The following NACA variants were observed in gnomAD, a reference collection of about 807,000 sequenced individuals.
NACA encodes nascent polypeptide-associated complex subunit alpha.
In NACA, 42 loss-of-function variants were observed where a neutral mutation model predicts 86.4. The ratio of observed to expected loss-of-function variants is 0.49; its 90% CI spans 0.38 to 0.63. The LOEUF (loss-of-function observed/expected upper bound fraction) is 0.63, where lower values mean the gene tolerates loss of function less well. Ranked by LOEUF, NACA falls within the 20% of genes least tolerant of loss-of-function variation. The pLI, the probability that NACA is intolerant of heterozygous loss-of-function variation, is 0.00. For synonymous variants in NACA, 898 were observed against 973.7 expected (o/e 0.92, Z 1.45); for missense variants, 2,157 against 2,483.6 (o/e 0.87, Z 2.80).
Position 56,717,110 on chromosome 12 carries a change from AAGG to A in NACA, c.4417_4419del (p.Pro1473del), listed in dbSNP as rs992944048. ...TTGGGGGCTGGGGGCTCCTTGGGGG[AAGG>A]AGGAGTCACTGCTGGGAGGGTGGGA... On this transcript the variant is annotated inframe_deletion, in exon 3 of 9. Coordinates refer to ENST00000454682, the MANE Select transcript of NACA (RefSeq NM_001365896.1). 2 of 1,219,862 alleles carry A rather than the reference AAGG, an allele frequency of 1.6e-6. No homozygotes were observed. The highest frequency in any genetic ancestry group is 1.8e-5 in the African/African-American group (1 of 55,922). 75.6% of individuals were successfully genotyped at this position (1,219,862 alleles called of 1,614,324 possible).
chr12:56,721,132 G>C lies in NACA; in HGVS notation c.398C>G (p.Ser133Cys). 6.2e-6 allele frequency: 10 copies of C among 1,613,882 alleles called. No individual in the cohort carries two copies. The highest frequency in any genetic ancestry group is 8.5e-6 in the Non-Finnish European group (10 of 1,179,826). The change falls in exon 3 of 9, where the codon TCT becomes TGT. Residue 133 changes from serine to cysteine, a missense_variant. By Grantham distance (112) the Ser-to-Cys change is moderately radical. Coordinates refer to ENST00000454682, the MANE Select transcript of NACA (RefSeq NM_001365896.1). Reference sequence around the variant, plus strand: ...GGCAACCAGAGCTAAGGGAGCTGAAGAGGAAGGGGTCCCTTTCAGAGTTGG... The same window carrying C: ...GGCAACCAGAGCTAAGGGAGCTGAACAGGAAGGGGTCCCTTTCAGAGTTGG... The part of the protein sequence containing the change: ...IAPTLKGTPS[S>C]SAPLALVALA...
At position 56,716,027 on chromosome 12, in the gene NACA, C is replaced by T. The variant is rs1274283862; in HGVS notation, c.5503G>A (p.Ala1835Thr). The change falls in exon 3 of 9, where the codon GCT (alanine) becomes ACT (threonine). Residue 1835 changes from alanine (A) to threonine (T), a missense_variant. By Grantham distance (58) the Ala-to-Thr change is moderately conservative. Transcript: ENST00000454682. The stretch of plus-strand genomic sequence containing the variant: ...AGAGGCAGCAGCTCATCCTCATCAG[C>T]AGGGGCAAGGGGTTTAGAGGGTGAT... The part of the protein sequence containing the change: ...LESPSKPLAP[A>T]DEDELLPLIP... 2 of 1,604,566 alleles carry T rather than the reference C, an allele frequency of 1.2e-6. No homozygotes were observed. The highest frequency in any genetic ancestry group is 1.3e-5 in the African/African-American group (1 of 74,732).
In NACA at chr12:56,719,751, T is replaced by C. The variant is rs749462040; in HGVS notation, c.1779A>G (p.Lys593=). Reference sequence around the variant, plus strand: ...CTATAGGGAGAGGCTCCCCAAGGCTTTTCTTTGCTAGGGTGGCTTCAGGAG... The same window carrying C: ...CTATAGGGAGAGGCTCCCCAAGGCTCTTCTTTGCTAGGGTGGCTTCAGGAG... The part of the protein sequence containing the change: ...PLSPEATLAK[K]SLGEPLPIGK... The change falls in exon 3 of 9, where the codon AAA becomes AAG. Residue 593 remains lysine, a synonymous_variant. Transcript: ENST00000454682. 5 of 1,613,878 alleles carry C rather than the reference T, an allele frequency of 3.1e-6. No homozygotes were observed. Among genetic ancestry groups the C allele is most frequent in the South Asian group, 1.1e-5 (1 of 91,082 alleles).
intron 5 of NACA, 157 bp from the exon 6 acceptor site, chr12:56,713,840 T>C (rs1237953580): frequency 2.6e-6 from 2 of 769,134 alleles, no homozygotes; most frequent in African/African-American, 3.5e-5. Context: ...TAACTTCTGT[T>C]ACTTTATTTT....
intron 2 of NACA, 95 bp downstream of exon 2, chr12:56,724,357 T>A: frequency 8.0e-7 from 1 of 1,249,248 alleles, no homozygotes; most frequent in Non-Finnish European, 1.1e-6. Flanking sequence ...TGCAACCCCA[T>A]CCTCCTAAAA....
chr12:56,724,772 G>T (rs143592453), intron 1 of NACA: 168 of 498,228 alleles, frequency 3.4e-4, no homozygotes, highest in African/African-American at 2.1e-3. Context: ...GCTGGCTCTC[G>T]ATCATGGGAG....
At position 56,724,579 on chromosome 12, in the gene NACA, C is replaced by T. The variant is rs11171953; in HGVS notation, c.-2-56G>A. On this transcript the variant is annotated intron_variant, in intron 1 of 8. Coordinates refer to ENST00000454682, the MANE Select transcript of NACA (RefSeq NM_001365896.1). ...ATTGATTGGGATACATTCACTTGCCCAACCCGGAGATAAGTATTCTTAAAA... is the reference window on the plus strand; with the variant it reads ...ATTGATTGGGATACATTCACTTGCCTAACCCGGAGATAAGTATTCTTAAAA... 9,815 of 1,542,552 alleles carry T rather than the reference C, an allele frequency of 6.4e-3. 528 individuals are homozygous for T. In the African/African-American group the frequency reaches 0.12, roughly 18 times the overall value.
Position 56,718,541 on chromosome 12 carries a change from TGGGGGAGGGAGGAG to T in NACA, c.2975_2988del (p.Thr992LysfsTer348). ...GGGGATGGAGTAGCTGGACCTCCTTTGGGGGAGGGAGGAGTTGCAGCTGGGGGTGTGGGGGCCCC... is the reference window on the plus strand; with the variant it reads ...GGGGATGGAGTAGCTGGACCTCCTTTTTGCAGCTGGGGGTGTGGGGGCCCC... On this transcript the variant is annotated frameshift_variant, in exon 3 of 9. Transcript: ENST00000454682. LOFTEE classifies it high-confidence loss of function. The T allele has an allele frequency of 8.3e-7, 1 of 1,206,726 alleles. No homozygotes were observed. 74.8% of individuals were successfully genotyped at this position (1,206,726 alleles called of 1,614,324 possible).
chr12:56,720,253 GGATAAT>G lies in NACA; in HGVS notation c.1271_1276del (p.His424_Tyr425del), dbSNP rs1565897943. On this transcript the variant is annotated inframe_deletion, in exon 3 of 9. Coordinates refer to ENST00000454682, the MANE Select transcript of NACA (RefSeq NM_001365896.1). ...AGAAACGGGCATTTGGGCCACTAAA[GGATAAT>G]GATAAGTGGCATTAGGAGAGCTTTT... is the stretch of plus-strand genomic sequence containing the variant. 1 of 1,613,996 alleles carries G rather than the reference GGATAAT, an allele frequency of 6.2e-7. No homozygotes were observed. Among genetic ancestry groups the G allele is most frequent in the Admixed American group, 1.7e-5 (1 of 60,026 alleles).
chr12:56,722,784 A>C (rs1474957695), intron 2 of NACA, among the ~76,000 whole-genome samples: 1 of 152,144 alleles, frequency 6.6e-6, no homozygotes, highest in African/African-American at 2.4e-5. Flanking sequence ...CATTATGTCA[A>C]AATACACCAA....
chr12:56,715,438 A>G (rs558606733), intron 3 of NACA, among the ~76,000 whole-genome samples: 1 of 152,300 alleles, frequency 6.6e-6, no homozygotes, highest in South Asian at 2.1e-4. Context: ...GGTCATTACT[A>G]AGTCTAATAA....
intron 2 of NACA, among the ~76,000 whole-genome samples, chr12:56,722,248 A>C (rs1161577483): frequency 6.6e-6 from 1 of 152,250 alleles, no homozygotes; most frequent in Non-Finnish European, 1.5e-5. Context: ...AAACCTTCCT[A>C]GGTGATGTTA....
In NACA at chr12:56,718,280, C is replaced by G; in HGVS notation, c.3250G>C (p.Ala1084Pro). The G allele has an allele frequency of 9.0e-7, 1 of 1,112,388 alleles. No homozygotes were observed. The highest frequency in any genetic ancestry group is 1.9e-5 in the African/African-American group (1 of 53,652). 68.9% of individuals were successfully genotyped at this position (1,112,388 alleles called of 1,614,324 possible). Residue 1084 changes from alanine (A) to proline (P), a missense_variant, in exon 3 of 9, where the codon GCT (alanine) becomes CCT (proline). Physicochemically the swap from Ala to Pro is conservative, Grantham distance 27 (BLOSUM62 -1). Transcript: ENST00000454682. ...CCTTTTGGGGAGGGAGGAGTCGCAG[C>G]TGGGGGAGTGGGGGCCCCCTTGAGG... ...PSLKGAPTPP[A>P]ATPPSPKGGP...
At chr12:56,724,770 T>C in intron 1 of NACA, 1 of 506,286 alleles carries the variant, frequency 2.0e-6, no homozygotes, top group Admixed American at 3.6e-5. Context: ...GGGCTGGCTC[T>C]CGATCATGGG....
intron 2 of NACA, among the ~76,000 whole-genome samples, chr12:56,723,042 A>G (rs546695013): frequency 7.5e-4 from 115 of 152,354 alleles, no homozygotes; most frequent in African/African-American, 2.7e-3. Context: ...TAACGATTAC[A>G]GGAAAACGCT....
chr12:56,720,043 TG>T lies in NACA; in HGVS notation c.1486del (p.Gln496LysfsTer2). 6.2e-7 allele frequency: 1 copy of T among 1,613,666 alleles called. No homozygotes were observed. The highest frequency in any genetic ancestry group is 8.5e-7 in the Non-Finnish European group (1 of 1,179,806). The part of the protein sequence containing the change: ...APVAPKEPST[Q>X]VATTLRIPVS... Reference sequence around the variant, plus strand: ...TGGTATCCTCAGAGTGGTTGCTACTTGAGTAGAAGGCTCTTTGGGAGCCACA... The same window carrying T: ...TGGTATCCTCAGAGTGGTTGCTACTTAGTAGAAGGCTCTTTGGGAGCCACA... On this transcript the variant is annotated frameshift_variant, in exon 3 of 9. Coordinates refer to ENST00000454682, the MANE Select transcript of NACA (RefSeq NM_001365896.1). LOFTEE classifies it high-confidence loss of function.
In NACA at chr12:56,716,516, G is replaced by A; in HGVS notation, c.5014C>T (p.Leu1672Phe). The A allele has an allele frequency of 4.0e-6, 6 of 1,495,446 alleles. No individual in the cohort carries two copies. Among genetic ancestry groups the A allele is most frequent in the Non-Finnish European group, 4.5e-6 (5 of 1,104,282 alleles). 92.6% of individuals were successfully genotyped at this position (1,495,446 alleles called of 1,614,324 possible). A position where few individuals can be genotyped will look rare whatever the true frequency, so the allele number is the denominator to read the frequency against. ...GCTGTGGGGCCTTTCTTTGCTGGAA[G>A]CCCTTTAGATGCTTGAGGAACAGTG... ...GATVPQASKG[L>F]PAKKGPTALK... Residue 1672 changes from leucine (L) to phenylalanine (F), a missense_variant, in exon 3 of 9, where the codon CTT becomes TTT. By Grantham distance (22) the Leu-to-Phe change is conservative (BLOSUM62 0). Around this residue, in one of 8 missense-constraint regions of NACA, gnomAD observed 797 missense variants for 777.6 expected, o/e 1.02. Coordinates refer to ENST00000454682, the MANE Select transcript of NACA (RefSeq NM_001365896.1).
chr12:56,716,408 T>G lies in NACA; in HGVS notation c.5122A>C (p.Lys1708Gln), dbSNP rs985847089. The G allele has an allele frequency of 1.9e-6, 3 of 1,602,548 alleles. No homozygotes were observed. Among genetic ancestry groups the G allele is most frequent in the African/African-American group, 1.3e-5 (1 of 74,754 alleles). Residue 1708 changes from lysine to glutamine, a missense_variant, in exon 3 of 9, where the codon AAG (lysine) becomes CAG (glutamine). Physicochemically the swap from Lys to Gln is moderately conservative, Grantham distance 53. This residue lies in a region of NACA where 797 missense variants were observed against 777.6 expected (regional missense o/e 1.02). Coordinates refer to ENST00000454682, the MANE Select transcript of NACA (RefSeq NM_001365896.1). ...ATAGGAGGTGAAGTAGCAGAACTCT[T>G]TTTGGTCTGTGGACCTTTCCGAGTG... ...APTRKGPQTKKSSATSPPICP... is the reference protein window; with the variant it reads ...APTRKGPQTKQSSATSPPICP...
rs2137824552 is a variant in NACA at position 56,719,866 on chromosome 12, T to G, written c.1664A>C (p.Lys555Thr). 4 of 1,613,884 alleles carry G rather than the reference T, an allele frequency of 2.5e-6. No individual in the cohort carries two copies. Among genetic ancestry groups the G allele is most frequent in the Non-Finnish European group, 3.4e-6 (4 of 1,179,844 alleles). Residue 555 changes from lysine to threonine, a missense_variant, in exon 3 of 9, where the codon AAA becomes ACA. By Grantham distance (78) the Lys-to-Thr change is moderately conservative (BLOSUM62 -1). Around this residue, in one of 8 missense-constraint regions of NACA, gnomAD observed 947 missense variants for 917.9 expected, o/e 1.03. Coordinates refer to ENST00000454682, the MANE Select transcript of NACA (RefSeq NM_001365896.1). ...SPAQAGLTTK[K>T]DPTVLPLVQA... The stretch of plus-strand genomic sequence containing the variant: ...GACTAACGGTAATACAGTAGGGTCT[T>G]TCTTGGTGGTGAGTCCTGCTTGGGC...
Sources: gnomAD v4.1 joint callset for allele counts (sites outside exome capture counted in the v4.1 genomes callset) on GRCh38, gnomAD v4.1.1 for gene constraint, gnomAD v4.1.1 regional missense constraint, MANE v1.5 for transcripts, NCBI Gene and HGNC (gene_info 2026-07-23, HGNC 2026-07-21) for gene names.